The following PEBP4 variants were observed in gnomAD, a reference collection of about 807,000 sequenced individuals.
The protein encoded by PEBP4 is phosphatidylethanolamine binding protein 4.
Under a neutral mutation model 23.9 loss-of-function variants are expected in PEBP4, and 22 were observed. That is an observed-to-expected ratio of 0.92 (90% CI 0.66 to 1.31). PEBP4 has a LOEUF of 1.31. Ranked by LOEUF, PEBP4 falls within the 40% of genes most tolerant of loss-of-function variation. PEBP4 has a pLI of 0.00. For missense variants in PEBP4, 324 were observed against 281.7 expected (o/e 1.15, Z -1.07); for synonymous variants, 112 against 99.3 (o/e 1.13, Z -0.76).
chr8:22,843,527 C>A (rs1227594677), intron 3 of PEBP4, among the ~76,000 whole-genome samples: 1 of 152,326 alleles, frequency 6.6e-6, no homozygotes, highest in African/African-American at 2.4e-5. Context: ...CAAGAGAAAC[C>A]AGGCCTGGGA....
At chr8:22,836,978 C>T (rs1807218130) in intron 3 of PEBP4, among the ~76,000 whole-genome samples, 2 of 152,152 alleles carry the variant, frequency 1.3e-5, no homozygotes, top group Admixed American at 1.3e-4. Context: ...TCCCAAGCTA[C>T]ATTCATATCC....
At chr8:22,924,660 C>G in intron 2 of PEBP4, 3 of 985,348 alleles carry the variant, frequency 3.0e-6, no homozygotes, top group Non-Finnish European at 3.6e-6. Flanking sequence ...ACGCTTTGAG[C>G]AGCAGCTCCC....
intron 4 of PEBP4, among the ~76,000 whole-genome samples, chr8:22,778,977 C>T (rs1805866509): frequency 6.6e-6 from 1 of 151,336 alleles, no homozygotes; most frequent in South Asian, 2.1e-4. Context: ...AGCCTGTCTG[C>T]CTGCGTGGGG....
At chr8:22,895,087 AT>A (rs1554495294) in intron 3 of PEBP4, among the ~76,000 whole-genome samples, 1 of 152,200 alleles carries the variant, frequency 6.6e-6, no homozygotes, top group Non-Finnish European at 1.5e-5. Context: ...ATTGGCAGAA[AT>A]CTGAGAAATG....
intron 3 of PEBP4, among the ~76,000 whole-genome samples, chr8:22,853,623 C>G (rs981996928): frequency 6.6e-6 from 1 of 152,182 alleles, no homozygotes; most frequent in African/African-American, 2.4e-5. Context: ...TCTTTCAATT[C>G]TACAACTTGC....
chr8:22,897,039 G>C (rs538682383), intron 3 of PEBP4, among the ~76,000 whole-genome samples: 3 of 151,364 alleles, frequency 2.0e-5, no homozygotes, highest in Non-Finnish European at 4.4e-5. Flanking sequence ...GTGTGTGTGT[G>C]TGTGTGTATG....
At chr8:22,853,198 T>C (rs867035776) in intron 3 of PEBP4, among the ~76,000 whole-genome samples, 1 of 152,238 alleles carries the variant, frequency 6.6e-6, no homozygotes, top group Non-Finnish European at 1.5e-5. Flanking sequence ...AGTTTGCTAC[T>C]GTTATGAATC....
intron 4 of PEBP4, among the ~76,000 whole-genome samples, chr8:22,811,206 GA>G (rs1019779762): frequency 2.6e-4 from 40 of 152,034 alleles, no homozygotes; most frequent in African/African-American, 9.4e-4. Context: ...TGAATGAAGT[GA>G]AAAAAAGCTA....
chr8:22,769,392 C>T (rs1805673747), intron 4 of PEBP4, among the ~76,000 whole-genome samples: 1 of 152,212 alleles, frequency 6.6e-6, no homozygotes, highest in Non-Finnish European at 1.5e-5. Flanking sequence ...TATGCTTGGT[C>T]CTGTCTCAGT....
At chr8:22,742,876 T>C (rs1417903040) in intron 4 of PEBP4, among the ~76,000 whole-genome samples, 1 of 152,156 alleles carries the variant, frequency 6.6e-6, no homozygotes, top group Non-Finnish European at 1.5e-5. Flanking sequence ...TGTCCCTGTA[T>C]GGGGCGGCTT....
intron 3 of PEBP4, among the ~76,000 whole-genome samples, chr8:22,841,338 T>TG (rs1474363360): frequency 1.3e-5 from 2 of 152,236 alleles, no homozygotes; most frequent in Non-Finnish European, 2.9e-5. Flanking sequence ...CTTTAGGGGG[T>TG]AAATAACTTA....
intron 6 of PEBP4, among the ~76,000 whole-genome samples, chr8:22,722,272 C>T (rs1804534402): frequency 6.6e-6 from 1 of 152,216 alleles, no homozygotes; most frequent in South Asian, 2.1e-4. Flanking sequence ...GGGCCCAGCC[C>T]TGCTCCAACC....
intron 3 of PEBP4, chr8:22,896,072 C>G (rs757447387): frequency 1.3e-5 from 2 of 152,220 alleles, no homozygotes; most frequent in African/African-American, 4.8e-5. Context: ...GAGATGAAAC[C>G]ATGTTCCCAA....
intron 4 of PEBP4, among the ~76,000 whole-genome samples, chr8:22,790,809 T>G (rs1806122402): frequency 6.6e-6 from 1 of 152,198 alleles, no homozygotes; most frequent in Non-Finnish European, 1.5e-5. Flanking sequence ...TTTGGCTAAT[T>G]GTTTTTAGAA....
At chr8:22,769,444 G>A (rs898714413) in intron 4 of PEBP4, among the ~76,000 whole-genome samples, 1 of 152,184 alleles carries the variant, frequency 6.6e-6, no homozygotes, top group Admixed American at 6.5e-5. Context: ...TCTGAGTTCC[G>A]TTCTTAACCC....
In PEBP4 at chr8:22,826,635, TGTA is replaced by T. The variant is rs1271549515; in HGVS notation, c.259-8903_259-8901del. ...GAAAAGCTCTCCAGGATAACTTTAG[TGTA>T]AAAAGCAAGGCGCAGAACAGCATAT... On this transcript the variant is annotated intron_variant, in intron 3 of 6. Coordinates refer to ENST00000256404, the MANE Select transcript of PEBP4 (RefSeq NM_144962.3). Among the ~76,000 whole-genome samples, 3 of 152,034 alleles carry T rather than the reference TGTA, an allele frequency of 2.0e-5. No individual in the cohort carries two copies. The South Asian group carries it at 6.2e-4, about 31-fold the overall frequency.
chr8:22,812,774 T>C (rs1191594975), intron 4 of PEBP4, among the ~76,000 whole-genome samples: 1 of 152,200 alleles, frequency 6.6e-6, no homozygotes, highest in Non-Finnish European at 1.5e-5. Flanking sequence ...TATTTTTATA[T>C]CGATATATTT....
Position 22,799,078 on chromosome 8 carries a change from G to A in PEBP4, c.357+18559C>T, listed in dbSNP as rs74722341. On this transcript the variant is annotated intron_variant, in intron 4 of 6. Coordinates refer to ENST00000256404, the MANE Select transcript of PEBP4 (RefSeq NM_144962.3). ...GACCTGGATACAATAAAAATACTGG[G>A]AAAGGGAGCAGCCTCCTGTTTTGGA... Among the ~76,000 whole-genome samples the A allele has an allele frequency of 6.3e-3, 958 of 152,190 alleles. 9 individuals are homozygous for A. Among genetic ancestry groups the A allele is most frequent in the African/African-American group, 0.021 (887 of 41,496 alleles).
chr8:22,894,915 G>A (rs1365216668), intron 3 of PEBP4, among the ~76,000 whole-genome samples: 1 of 152,132 alleles, frequency 6.6e-6, no homozygotes, highest in Non-Finnish European at 1.5e-5. Flanking sequence ...TGTCTTGCAA[G>A]AGAATCCTGA....
Sources: allele counts gnomAD v4.1 joint callset (sites outside exome capture counted in the v4.1 genomes callset), GRCh38; gene constraint gnomAD v4.1.1; transcripts MANE v1.5; gene names NCBI Gene and HGNC (gene_info 2026-07-23, HGNC 2026-07-21).